The following DNMT3A variants were observed in gnomAD, a reference collection of about 807,000 sequenced individuals.
DNMT3A encodes the protein DNA (cytosine-5)-methyltransferase 3A.
DNMT3A carries 267 observed loss-of-function variants against 117.6 expected under a neutral mutation model. The ratio of observed to expected loss-of-function variants is 2.27; its 90% CI spans 2.05 to 2.51. The LOEUF is 2.51. Ranked by LOEUF, DNMT3A falls within the 30% of genes most tolerant of loss-of-function variation. DNMT3A has a pLI of 0.00. For synonymous variants in DNMT3A, 432 were observed against 474.8 expected (o/e 0.91, Z 1.17); for missense variants, 1,029 against 1,260.2 (o/e 0.82, Z 2.78).
intron 1 of DNMT3A, among the ~76,000 whole-genome samples, chr2:25,318,027 G>T (rs1865690): frequency 3.3e-5 from 5 of 152,014 alleles, no homozygotes; most frequent in African/African-American, 1.2e-4. Flanking sequence ...GAGCCACCGC[G>T]CCGGCCGGGA....
intron 3 of DNMT3A, among the ~76,000 whole-genome samples, chr2:25,288,959 G>T (rs905777773): frequency 2.0e-5 from 3 of 152,152 alleles, no homozygotes; most frequent in Non-Finnish European, 2.9e-5. Flanking sequence ...TGAACCCACC[G>T]CAGCTGTCAC....
At position 25,337,238 on chromosome 2, in the gene DNMT3A, C is replaced by A. The variant is rs1339258174; in HGVS notation, c.-178+4588G>T. Among the ~76,000 whole-genome samples, 1 of 152,166 alleles carries A rather than the reference C, an allele frequency of 6.6e-6. No homozygotes were observed. The highest frequency in any genetic ancestry group is 1.5e-5 in the Non-Finnish European group (1 of 68,036). ...TGTCGCTGAGAAGCCTCCCACCTCC[C>A]AGGATTTTTAATCAGAATCGGCACT... is the stretch of plus-strand genomic sequence containing the variant. On this transcript the variant is annotated intron_variant, in intron 1 of 22. Coordinates refer to ENST00000321117, the MANE Select transcript of DNMT3A (RefSeq NM_022552.5). The surrounding 1 kb of genome is among the most constrained non-coding windows in gnomAD (Gnocchi z 5.0).
At chr2:25,315,443 T>C (rs1332029970) in intron 1 of DNMT3A, among the ~76,000 whole-genome samples, 1 of 152,172 alleles carries the variant, frequency 6.6e-6, no homozygotes, top group Non-Finnish European at 1.5e-5. Context: ...GCCCCACAGC[T>C]GAGCCCTGAG....
At chr2:25,307,459 CTTTTTTTT>C (rs35144977) in intron 2 of DNMT3A, among the ~76,000 whole-genome samples, 5 of 79,104 alleles carry the variant, frequency 6.3e-5, no homozygotes, top group African/African-American at 2.4e-4. Flanking sequence ...CACACCGCAG[CTTTTTTTT>C]TTTTTTTTTT....
chr2:25,303,754 A>AG (rs2033642415), intron 2 of DNMT3A, among the ~76,000 whole-genome samples: 1 of 152,246 alleles, frequency 6.6e-6, no homozygotes, highest in African/African-American at 2.4e-5. Context: ...ATGGAGTCTT[A>AG]GGGCAAAGCG....
chr2:25,240,228 A>G, intron 19 of DNMT3A, 74 bp downstream of exon 19: 2 of 1,599,630 alleles, frequency 1.3e-6, no homozygotes, highest in Non-Finnish European at 1.7e-6. Flanking sequence ...CACAATGCAG[A>G]TGAGACAGGA....
chr2:25,328,547 G>A (rs547825754), intron 1 of DNMT3A: 3 of 440,952 alleles, frequency 6.8e-6, no homozygotes, highest in East Asian at 7.2e-5. Flanking sequence ...TCAAAGAGAC[G>A]AGGTCAGAGT....
chr2:25,303,970 A>G (rs996618241), intron 2 of DNMT3A, among the ~76,000 whole-genome samples: 1 of 152,282 alleles, frequency 6.6e-6, no homozygotes, highest in Non-Finnish European at 1.5e-5. Flanking sequence ...AATGTAAAAC[A>G]TGCTTATCAA....
rs1442953383 is a variant in DNMT3A, at chr2:25,304,482, G to A, written c.73-4239C>T. Among the ~76,000 whole-genome samples, 10 of 151,938 alleles carry A rather than the reference G, an allele frequency of 6.6e-5. No homozygotes were observed. The highest frequency in any genetic ancestry group is 1.2e-4 in the Non-Finnish European group (8 of 67,986). On this transcript the variant is annotated intron_variant, in intron 2 of 22. Coordinates refer to ENST00000321117, the MANE Select transcript of DNMT3A (RefSeq NM_022552.5). The surrounding 1 kb of genome is among the most constrained non-coding windows in gnomAD (Gnocchi z 4.3). ...TGCCTCGTGCAAATCCCAGCACGCC[G>A]CCCACCATATGCAGCGATCCCTCAC...
intron 3 of DNMT3A, among the ~76,000 whole-genome samples, chr2:25,290,318 T>A (rs1186987827): frequency 1.3e-5 from 2 of 149,770 alleles, no homozygotes; most frequent in Non-Finnish European, 3.0e-5. Context: ...TTTATGGAAG[T>A]GATTTTTTTT....
chr2:25,313,315 G>A (rs1248087915), intron 2 of DNMT3A, among the ~76,000 whole-genome samples: 2 of 144,844 alleles, frequency 1.4e-5, no homozygotes, highest in East Asian at 2.2e-4. Flanking sequence ...GTGGCCAAAA[G>A]CCATACCAAA....
chr2:25,336,009 C>A (rs1246126604), intron 1 of DNMT3A, among the ~76,000 whole-genome samples: 1 of 152,100 alleles, frequency 6.6e-6, no homozygotes, highest in Non-Finnish European at 1.5e-5. Flanking sequence ...AAGCCCCAGG[C>A]GTCTGCACCT....
At chr2:25,275,613 C>T (rs2031342612) in intron 4 of DNMT3A, 70 bp from the exon 5 acceptor site, 2 of 1,506,966 alleles carry the variant, frequency 1.3e-6, no homozygotes, top group Admixed American at 4.9e-5. Flanking sequence ...TCACAGGCCC[C>T]ACCTTGTGCC....
At chr2:25,246,450 C>G (rs1674783908) in intron 10 of DNMT3A, 141 bp from the exon 11 acceptor site, 3 of 1,432,468 alleles carry the variant, frequency 2.1e-6, no homozygotes, top group Admixed American at 4.7e-5. Flanking sequence ...AGCCAACCAA[C>G]AGAGAGCAGG....
chr2:25,328,869 C>A (rs2034898002), intron 1 of DNMT3A: 1 of 376,358 alleles, frequency 2.7e-6, no homozygotes, highest in Admixed American at 3.1e-5. Flanking sequence ...TTGGTGAGGG[C>A]CTAGGCTATC....
At position 25,294,039 on chromosome 2, in the gene DNMT3A, GC is replaced by G. The variant is rs1375037845; in HGVS notation, c.177+6099del. Among the ~76,000 whole-genome samples, 3 of 152,140 alleles carry G rather than the reference GC, an allele frequency of 2.0e-5. No homozygotes were observed. The highest frequency in any genetic ancestry group is 6.5e-5 in the Admixed American group (1 of 15,276). Reference sequence around the variant, plus strand: ...CTGTGCCTGTGTGCTCATGGCCCCTGCCTTTGGGCCTCCCCACACTCACCCT... The same window carrying G: ...CTGTGCCTGTGTGCTCATGGCCCCTGCTTTGGGCCTCCCCACACTCACCCT... On this transcript the variant is annotated intron_variant, in intron 3 of 22. Coordinates refer to ENST00000321117, the MANE Select transcript of DNMT3A (RefSeq NM_022552.5). The surrounding 1 kb of genome is among the most constrained non-coding windows in gnomAD (Gnocchi z 4.7).
chr2:25,274,914 T>C lies in DNMT3A; in HGVS notation c.639+27A>G, dbSNP rs1015885970. The C allele has an allele frequency of 4.4e-6, 7 of 1,596,750 alleles. No individual in the cohort carries two copies. The African/African-American group carries it at 5.4e-5, about 12-fold the overall frequency. On this transcript the variant is annotated intron_variant, in intron 6 of 22. Coordinates refer to ENST00000321117, the MANE Select transcript of DNMT3A (RefSeq NM_022552.5). ...GGTTTTCCAGTTCTGCAGGACGGGC[T>C]GGGGCCCAGGCCAGAAGGCGCCTCA...
intron 6 of DNMT3A, among the ~76,000 whole-genome samples, chr2:25,273,488 G>A (rs1055482970): frequency 1.2e-4 from 18 of 152,180 alleles, no homozygotes; most frequent in African/African-American, 3.6e-4. Flanking sequence ...GGGTAAAGAC[G>A]AAATGAGAGC....
Position 25,297,745 on chromosome 2 carries a change from G to C in DNMT3A, c.177+2394C>G, listed in dbSNP as rs1314428553. On this transcript the variant is annotated intron_variant, in intron 3 of 22. Transcript: ENST00000321117. The stretch of plus-strand genomic sequence containing the variant: ...GGCTGGTCTCAAACTCCTGACCTCA[G>C]GTGATCCGCCCACCTTGGCTTCCTA... 3.9e-5 allele frequency among the ~76,000 whole-genome samples: 6 copies of C among 152,268 alleles called. No individual in the cohort carries two copies. In the East Asian group the frequency reaches 1.2e-3, roughly 29 times the overall value.
Sources: allele counts gnomAD v4.1 joint callset (sites outside exome capture counted in the v4.1 genomes callset), GRCh38; gene constraint gnomAD v4.1.1; non-coding constraint Gnocchi (gnomAD v3.1); transcripts MANE v1.5; gene names NCBI Gene and HGNC (gene_info 2026-07-23, HGNC 2026-07-21).